Variants in ZDHHC15 observed in about 807,000 individuals in gnomAD.
The protein encoded by ZDHHC15 is zDHHC palmitoyltransferase 15.
Under a neutral mutation model 31.7 loss-of-function variants are expected in ZDHHC15, and 19 were observed. The ratio of observed to expected loss-of-function variants is 0.60; its 90% confidence interval spans 0.42 to 0.88. The LOEUF is 0.88. ZDHHC15 is among the 40% of genes least tolerant of loss of function. The probability of loss-of-function intolerance (pLI) is 0.00; values close to 1 mark genes in which losing one functional copy is unlikely to be tolerated. For missense variants in ZDHHC15, 209 were observed against 251.2 expected (o/e 0.83, Z 1.14); for synonymous variants, 103 against 90.0 (o/e 1.14, Z -0.82).
At chrX:75,383,825 G>A (rs990711802) in intron 10 of ZDHHC15, among the ~76,000 whole-genome samples, 8 of 88,872 alleles carry the variant, frequency 9.0e-5, no homozygotes, top group South Asian at 7.1e-4. Flanking sequence ...TGCAAGCTCC[G>A]CCTCCCGAGT....
intron 3 of ZDHHC15, among the ~76,000 whole-genome samples, chrX:75,455,499 A>G (rs1274620531): frequency 8.9e-6 from 1 of 112,083 alleles, no homozygotes; most frequent in Non-Finnish European, 1.9e-5. Flanking sequence ...AATGGAAACA[A>G]AAGCCAAAAT....
chrX:75,491,059 C>T (rs112766432), intron 2 of ZDHHC15, among the ~76,000 whole-genome samples: 3 of 111,497 alleles, frequency 2.7e-5, no homozygotes, highest in East Asian at 5.7e-4. Context: ...ATTGTGGAAG[C>T]CAGTGTGGTG....
chrX:75,463,260 T>C (rs1001913169), intron 3 of ZDHHC15, among the ~76,000 whole-genome samples: 1 of 111,225 alleles, frequency 9.0e-6, no homozygotes, highest in Non-Finnish European at 1.9e-5. Flanking sequence ...GAGGCAGTAA[T>C]AAACAGCCTA....
intron 4 of ZDHHC15, among the ~76,000 whole-genome samples, chrX:75,435,077 TTTTG>T (rs1053517243): frequency 5.4e-5 from 6 of 111,879 alleles, no homozygotes; most frequent in East Asian, 2.8e-4. Flanking sequence ...TATTTCTAAG[TTTTG>T]TTTGTTTGTT....
chrX:75,413,866 A>C (rs935131602), intron 10 of ZDHHC15, among the ~76,000 whole-genome samples: 3 of 109,240 alleles, frequency 2.7e-5, no homozygotes, highest in African/African-American at 6.7e-5. Context: ...CATACAGGCA[A>C]GCTCTGACCC....
intron 10 of ZDHHC15, among the ~76,000 whole-genome samples, chrX:75,385,320 A>G (rs2083168376): frequency 9.0e-6 from 1 of 111,210 alleles, no homozygotes. Context: ...CAGGGATTAC[A>G]GCAATCTCTG....
At chrX:75,375,797 T>C (rs548903250) in intron 11 of ZDHHC15, among the ~76,000 whole-genome samples, 1 of 112,316 alleles carries the variant, frequency 8.9e-6, no homozygotes, top group African/African-American at 3.2e-5. Flanking sequence ...ATTTTCTTTG[T>C]CTAGTCCTCT....
intron 1 of ZDHHC15, among the ~76,000 whole-genome samples, chrX:75,515,101 A>G (rs192396828): frequency 9.0e-6 from 1 of 111,165 alleles, no homozygotes; most frequent in Non-Finnish European, 1.9e-5. Flanking sequence ...CCAACCAAAA[A>G]AAGTCCAGGA....
At chrX:75,455,851 C>T (rs1439296723) in intron 3 of ZDHHC15, among the ~76,000 whole-genome samples, 1 of 111,340 alleles carries the variant, frequency 9.0e-6, no homozygotes, top group East Asian at 2.8e-4. Flanking sequence ...ATCATAGAAA[C>T]AACAGTTGCT....
At chrX:75,456,468 G>A (rs753742380) in intron 3 of ZDHHC15, among the ~76,000 whole-genome samples, 6 of 110,505 alleles carry the variant, frequency 5.4e-5, no homozygotes, top group South Asian at 3.9e-4. Context: ...AAACCTGCAC[G>A]TTGTGAAAAT....
chrX:75,500,927 T>C (rs996907193), intron 2 of ZDHHC15, among the ~76,000 whole-genome samples: 4 of 110,491 alleles, frequency 3.6e-5, no homozygotes, highest in African/African-American at 1.3e-4. Context: ...AAGGTTAGTA[T>C]AATTGAGAAT....
At position 75,474,728 on chromosome X, in the gene ZDHHC15, T is replaced by A. The variant is rs775013958; in HGVS notation, c.258+4163A>T. Among the ~76,000 whole-genome samples, 7 of 108,778 alleles carry A rather than the reference T, an allele frequency of 6.4e-5. No homozygotes were observed. The Admixed American group carries it at 7.0e-4, about 11-fold the overall frequency. The allele number at this position is 108,778 out of a possible 115,157, so 94.5% of individuals were successfully genotyped here. Reference sequence around the variant, plus strand: ...AAAACTGATCTGCACATATAACCCTTGAAACTAAAATAAAAATTGAAATTA... The same window carrying A: ...AAAACTGATCTGCACATATAACCCTAGAAACTAAAATAAAAATTGAAATTA... On this transcript the variant is annotated intron_variant, in intron 3 of 11. Coordinates refer to ENST00000373367, the MANE Select transcript of ZDHHC15 (RefSeq NM_144969.3).
chrX:75,494,953 A>G (rs2084966334), intron 2 of ZDHHC15, among the ~76,000 whole-genome samples: 1 of 112,115 alleles, frequency 8.9e-6, no homozygotes, highest in Admixed American at 9.5e-5. Flanking sequence ...TCAACTAAAG[A>G]TCTTCTGCAC....
chrX:75,386,443 C>T (rs1225787472), intron 10 of ZDHHC15, among the ~76,000 whole-genome samples: 1 of 111,999 alleles, frequency 8.9e-6, no homozygotes, highest in Non-Finnish European at 1.9e-5. Context: ...AAGGGAAAAG[C>T]CGCTGTTTAG....
chrX:75,419,908 A>T (rs1264520974), intron 9 of ZDHHC15, among the ~76,000 whole-genome samples: 141 of 86,471 alleles, frequency 1.6e-3, no homozygotes, highest in African/African-American at 6.2e-3. Flanking sequence ...ATGAGAACAC[A>T]TGGACACAGG....
At chrX:75,388,467 T>C (rs1314190557) in intron 10 of ZDHHC15, among the ~76,000 whole-genome samples, 2 of 112,364 alleles carry the variant, frequency 1.8e-5, no homozygotes, top group African/African-American at 6.5e-5. Context: ...TTTTTTTCTT[T>C]GTTTCTATTA....
rs148754819 is a variant in ZDHHC15 at position 75,391,716 on chromosome X, G to C, written c.968-12518C>G. Among the ~76,000 whole-genome samples, 888 of 112,103 alleles carry C rather than the reference G, an allele frequency of 7.9e-3. 11 individuals are homozygous for C. Among genetic ancestry groups the C allele is most frequent in the African/African-American group, 0.026 (815 of 30,901 alleles). On this transcript the variant is annotated intron_variant, in intron 10 of 11. Coordinates refer to ENST00000373367, the MANE Select transcript of ZDHHC15 (RefSeq NM_144969.3). ...AGTGTTCTATAAGAAATGCTAAAAG[G>C]AGTTCTTTGATGTGAAAGAAAAGAA...
intron 10 of ZDHHC15, chrX:75,384,485 C>G: frequency 1.4e-6 from 1 of 730,702 alleles, no homozygotes; most frequent in South Asian, 2.1e-5. Flanking sequence ...GGAATGGGTA[C>G]TGTTCAAAAA....
At chrX:75,506,537 A>T (rs1439177604) in intron 1 of ZDHHC15, among the ~76,000 whole-genome samples, 2 of 112,035 alleles carry the variant, frequency 1.8e-5, no homozygotes, top group Non-Finnish European at 3.8e-5. Flanking sequence ...ATCTGACCAG[A>T]CAATGTTTTT....
Sources: gnomAD v4.1 joint callset for allele counts (sites outside exome capture counted in the v4.1 genomes callset) on GRCh38, gnomAD v4.1.1 for gene constraint, MANE v1.5 for transcripts, NCBI Gene and HGNC (gene_info 2026-07-23, HGNC 2026-07-21) for gene names.